CXCL17: variants seen among roughly 807,000 people sequenced by gnomAD.
CXCL17 encodes C-X-C motif chemokine 17.
A neutral mutation model predicts 15.5 loss-of-function variants in CXCL17; 9 were observed. The observed-to-expected ratio is 0.58, with a 90% CI of 0.35 to 1.01. CXCL17 has a LOEUF of 1.01. Among genes scored for constraint, CXCL17 ranks in the 50% least tolerant of loss-of-function variants. The probability of loss-of-function intolerance (pLI) is 0.02; values close to 1 mark genes in which losing one functional copy is unlikely to be tolerated. For synonymous variants in CXCL17, 52 were observed against 52.3 expected (o/e 0.99, Z 0.02); for missense variants, 133 against 138.2 (o/e 0.96, Z 0.19).
intron 3 of CXCL17, among the ~76,000 whole-genome samples, chr19:42,432,027 A>G (rs2040786736): frequency 6.6e-6 from 1 of 152,134 alleles, no homozygotes; most frequent in Non-Finnish European, 1.5e-5. Flanking sequence ...ATACTCATTT[A>G]CAATTTTGAT....
intron 1 of CXCL17, among the ~76,000 whole-genome samples, chr19:42,438,930 T>G (rs1194531392): frequency 6.6e-6 from 1 of 152,080 alleles, no homozygotes; most frequent in Non-Finnish European, 1.5e-5. Context: ...GAGTCCATGC[T>G]GATATAAATA....
At chr19:42,430,275 T>G (rs2147689843) in intron 3 of CXCL17, among the ~76,000 whole-genome samples, 1 of 152,224 alleles carries the variant, frequency 6.6e-6, no homozygotes, top group South Asian at 2.1e-4. Flanking sequence ...AAGCAGATAT[T>G]CATGAAACTA....
chr19:42,428,773 A>C lies in CXCL17; in HGVS notation c.*111T>G. The C allele has an allele frequency of 1.3e-6, 1 of 793,758 alleles. No individual in the cohort carries two copies. Among genetic ancestry groups the C allele is most frequent in the South Asian group, 1.5e-5 (1 of 68,938 alleles). 49.2% of individuals were successfully genotyped at this position (793,758 alleles called of 1,614,324 possible). A position where few individuals can be genotyped will look rare whatever the true frequency, so the allele number is the denominator to read the frequency against. ...CTTTTTGAGAGCACTGGAATGATTT[A>C]GGGGTGGGTACAGTGGGAGAGTGAG... On this transcript the variant is annotated 3_prime_UTR_variant, in exon 4 of 4. Transcript: ENST00000601181.
chr19:42,440,090 AAAAG>A (rs1456221227), intron 1 of CXCL17, among the ~76,000 whole-genome samples: 1 of 152,234 alleles, frequency 6.6e-6, no homozygotes, highest in African/African-American at 2.4e-5. Flanking sequence ...AAAAGTAAGA[AAAAG>A]TAAGAAATGC....
chr19:42,431,195 A>G (rs909551929), intron 3 of CXCL17, among the ~76,000 whole-genome samples: 6 of 152,336 alleles, frequency 3.9e-5, no homozygotes, highest in South Asian at 4.1e-4. Flanking sequence ...GTGCCATTGC[A>G]TCTGTTTATT....
At chr19:42,438,391 T>A (rs1211376917) in intron 1 of CXCL17, among the ~76,000 whole-genome samples, 29 of 99,214 alleles carry the variant, frequency 2.9e-4, no homozygotes, top group African/African-American at 1.2e-3. Flanking sequence ...AATATATATA[T>A]ATATATATAT....
At chr19:42,439,637 G>A (rs1039503782) in intron 1 of CXCL17, among the ~76,000 whole-genome samples, 3 of 152,150 alleles carry the variant, frequency 2.0e-5, no homozygotes, top group South Asian at 2.1e-4. Context: ...GAGAGATATC[G>A]ACATCCTGGG....
rs756668733 is a variant in CXCL17, at chr19:42,428,787, T to C, written c.*97A>G. ...TGGAATGATTTAGGGGTGGGTACAG[T>C]GGGAGAGTGAGGTGGGAGAAGAAGA... On this transcript the variant is annotated 3_prime_UTR_variant, in exon 4 of 4. Coordinates refer to ENST00000601181, the MANE Select transcript of CXCL17 (RefSeq NM_198477.3). The C allele has an allele frequency of 1.8e-5, 16 of 888,108 alleles. No individual in the cohort carries two copies. The highest frequency in any genetic ancestry group is 2.9e-5 in the Non-Finnish European group (15 of 524,224). 55.0% of individuals were successfully genotyped at this position (888,108 alleles called of 1,614,324 possible).
intron 1 of CXCL17, among the ~76,000 whole-genome samples, chr19:42,434,750 C>T (rs2040816508): frequency 6.6e-6 from 1 of 152,090 alleles, no homozygotes; most frequent in African/African-American, 2.4e-5. Flanking sequence ...TATTTGAATC[C>T]AGAGTCCCAG....
chr19:42,435,052 G>A (rs1052778254), intron 1 of CXCL17, among the ~76,000 whole-genome samples: 18 of 151,770 alleles, frequency 1.2e-4, no homozygotes, highest in Non-Finnish European at 2.1e-4. Flanking sequence ...GGTGGCGGGC[G>A]CCTGTAGTCC....
chr19:42,432,829 G>A (rs765789248), intron 3 of CXCL17, 147 bp downstream of exon 3: 6 of 653,894 alleles, frequency 9.2e-6, no homozygotes, highest in African/African-American at 3.7e-5. Context: ...CCTATTTCCC[G>A]ACAAGGTGAC....
At chr19:42,437,555 G>A (rs769171077) in intron 1 of CXCL17, among the ~76,000 whole-genome samples, 4 of 152,190 alleles carry the variant, frequency 2.6e-5, no homozygotes, top group Non-Finnish European at 5.9e-5. Context: ...TGTGAAAGGA[G>A]GGTGGTAAAA....
intron 1 of CXCL17, among the ~76,000 whole-genome samples, chr19:42,442,229 CTTTT>C (rs10527944): frequency 6.6e-5 from 8 of 122,098 alleles, no homozygotes; most frequent in Admixed American, 1.9e-4. Context: ...CTTTTCTTTC[CTTTT>C]TTTTTTTTTT....
At position 42,428,832 on chromosome 19, in the gene CXCL17, A is replaced by G; in HGVS notation, c.*52T>C. 2 of 1,367,596 alleles carry G rather than the reference A, an allele frequency of 1.5e-6. No homozygotes were observed. The highest frequency in any genetic ancestry group is 4.6e-5 in the East Asian group (2 of 43,668). The allele number at this position is 1,367,596 out of a possible 1,614,324, so 84.7% of individuals were successfully genotyped here. ...AGAAGAGTGTCTGGTAGGTGTGCTC[A>G]CTGTCTTCTTGGCTGAGAATGTTTA... On this transcript the variant is annotated 3_prime_UTR_variant, in exon 4 of 4. Coordinates refer to ENST00000601181, the MANE Select transcript of CXCL17 (RefSeq NM_198477.3).
intron 1 of CXCL17, 71 bp from the exon 2 acceptor site, chr19:42,433,927 A>T (rs1568620814): frequency 8.6e-7 from 1 of 1,169,196 alleles, no homozygotes; most frequent in Admixed American, 1.7e-5. Flanking sequence ...GCATTGTTCT[A>T]CCTAGGTCAG....
At chr19:42,439,772 T>G (rs772318543) in intron 1 of CXCL17, among the ~76,000 whole-genome samples, 1 of 152,176 alleles carries the variant, frequency 6.6e-6, no homozygotes, top group Non-Finnish European at 1.5e-5. Context: ...TGGCTAGAAC[T>G]CTTCAAAAGT....
At position 42,433,787 on chromosome 19, in the gene CXCL17, C is replaced by G. The variant is rs771626516; in HGVS notation, c.149G>C (p.Cys50Ser). ...GCTGAATTACTGACCTTTGCACTCA[C>G]ATTCTTGGCCGCCTTCCTGGAGCCA... Reference protein sequence around the residue: ...RRWLQEGGQECECKDWFLRAP... With the variant: ...RRWLQEGGQESECKDWFLRAP... Residue 50 changes from cysteine to serine, a missense_variant, in exon 2 of 4, where the codon TGT becomes TCT. By Grantham distance (112) the Cys-to-Ser change is moderately radical (BLOSUM62 -1). Coordinates refer to ENST00000601181, the MANE Select transcript of CXCL17 (RefSeq NM_198477.3). 4.3e-6 allele frequency: 7 copies of G among 1,614,044 alleles called. No homozygotes were observed. The highest frequency in any genetic ancestry group is 5.9e-6 in the Non-Finnish European group (7 of 1,179,974).
intron 1 of CXCL17, among the ~76,000 whole-genome samples, chr19:42,435,521 C>G (rs11881517): frequency 0.22 from 32,818 of 151,764 alleles, 5,822 homozygotes; most frequent in African/African-American, 0.49. Context: ...CACCAGTCTG[C>G]CTGGTGTCCT....
At chr19:42,432,501 G>A (rs2147693519) in intron 3 of CXCL17, among the ~76,000 whole-genome samples, 1 of 152,200 alleles carries the variant, frequency 6.6e-6, no homozygotes, top group African/African-American at 2.4e-5. Flanking sequence ...GGGTGTGGTG[G>A]TGTGTACCTC....
Sources: gnomAD v4.1 joint callset for allele counts (sites outside exome capture counted in the v4.1 genomes callset) on GRCh38, gnomAD v4.1.1 for gene constraint, MANE v1.5 for transcripts, NCBI Gene and HGNC (gene_info 2026-07-23, HGNC 2026-07-21) for gene names.